The following ANKRD22 variants were observed in gnomAD, a reference collection of about 807,000 sequenced individuals.
ANKRD22 encodes ankyrin repeat domain-containing protein 22.
A neutral mutation model predicts 25.7 loss-of-function variants in ANKRD22; 24 were observed. That is an observed-to-expected ratio of 0.93 (90% CI 0.68 to 1.31). ANKRD22 has a LOEUF of 1.31. Among genes scored for constraint, ANKRD22 ranks in the 50% most tolerant of loss-of-function variants. The pLI is 0.00. For missense variants in ANKRD22, 214 were observed against 227.1 expected, an observed-to-expected ratio of 0.94 and a Z score of 0.37; for synonymous variants, 84 against 84.3, an observed-to-expected ratio of 1.00 and a Z score of 0.02.
chr10:88,834,733 G>A (rs751793436), intron 1 of ANKRD22, among the ~76,000 whole-genome samples: 2 of 152,078 alleles, frequency 1.3e-5, no homozygotes, highest in Non-Finnish European at 2.9e-5. Flanking sequence ...TCAGGAGTTC[G>A]AGATCAGCCT....
At chr10:88,839,833 T>C (rs1843988056) in intron 1 of ANKRD22, among the ~76,000 whole-genome samples, 1 of 152,188 alleles carries the variant, frequency 6.6e-6, no homozygotes, top group South Asian at 2.1e-4. Context: ...TTCTCAACCT[T>C]GGCTAAATAT....
chr10:88,836,640 C>T (rs957405096), intron 1 of ANKRD22, among the ~76,000 whole-genome samples: 5 of 152,156 alleles, frequency 3.3e-5, no homozygotes, highest in Admixed American at 2.6e-4. Flanking sequence ...TACAAGACTT[C>T]GCATTTGATA....
chr10:88,844,355 T>C (rs554954982), intron 1 of ANKRD22, among the ~76,000 whole-genome samples: 4 of 152,232 alleles, frequency 2.6e-5, no homozygotes, highest in African/African-American at 9.6e-5. Flanking sequence ...TGATGGGAAA[T>C]GTTAGCAGAG....
chr10:88,827,782 T>G (rs1174333755), intron 3 of ANKRD22, among the ~76,000 whole-genome samples: 2 of 152,210 alleles, frequency 1.3e-5, no homozygotes, highest in Non-Finnish European at 2.9e-5. Flanking sequence ...GTAACCAATA[T>G]TCACAGTTTA....
chr10:88,844,643 T>C (rs953617712), intron 1 of ANKRD22, among the ~76,000 whole-genome samples: 4 of 152,090 alleles, frequency 2.6e-5, no homozygotes, highest in African/African-American at 9.7e-5. Flanking sequence ...AAGGAATCTT[T>C]ATGGTTAAAA....
chr10:88,821,107 T>C lies in ANKRD22; in HGVS notation c.*1834A>G, dbSNP rs1190935601. Among the ~76,000 whole-genome samples, 2 of 152,262 alleles carry C rather than the reference T, an allele frequency of 1.3e-5. No individual in the cohort carries two copies. Among genetic ancestry groups the C allele is most frequent in the Non-Finnish European group, 2.9e-5 (2 of 68,056 alleles). ...TTTATGAGTTCTCCAATAAATGCATTCTGCATTACATAAAGCATGTATGTG... is the reference window on the plus strand; with the variant it reads ...TTTATGAGTTCTCCAATAAATGCATCCTGCATTACATAAAGCATGTATGTG... On this transcript the variant is annotated 3_prime_UTR_variant, in exon 6 of 6. Coordinates refer to ENST00000371930, the MANE Select transcript of ANKRD22 (RefSeq NM_144590.3).
At chr10:88,842,106 C>T (rs1308479337) in intron 1 of ANKRD22, among the ~76,000 whole-genome samples, 3 of 152,110 alleles carry the variant, frequency 2.0e-5, no homozygotes, top group Admixed American at 6.6e-5. Flanking sequence ...TGGACCTAAA[C>T]AGGTATTTTA....
At chr10:88,844,816 G>C (rs1844033490) in intron 1 of ANKRD22, among the ~76,000 whole-genome samples, 1 of 151,952 alleles carries the variant, frequency 6.6e-6, no homozygotes, top group African/African-American at 2.4e-5. Context: ...TGAAATAAAA[G>C]CTTATATTGT....
intron 1 of ANKRD22, among the ~76,000 whole-genome samples, chr10:88,839,554 T>C (rs1012732581): frequency 2.0e-5 from 3 of 152,138 alleles, no homozygotes; most frequent in African/African-American, 7.2e-5. Context: ...TCTTTCATCT[T>C]TCCTACCTGC....
At chr10:88,832,904 C>T (rs926676543) in intron 1 of ANKRD22, among the ~76,000 whole-genome samples, 1 of 152,248 alleles carries the variant, frequency 6.6e-6, no homozygotes, top group South Asian at 2.1e-4. Flanking sequence ...GGCTTCTGCC[C>T]TGAATACTCT....
chr10:88,823,924 T>G (rs1843829620), intron 4 of ANKRD22, among the ~76,000 whole-genome samples: 1 of 152,182 alleles, frequency 6.6e-6, no homozygotes, highest in Non-Finnish European at 1.5e-5. Context: ...TTCCATTTTC[T>G]GTTCTAAAGA....
chr10:88,845,271 T>A (rs1844037394), intron 1 of ANKRD22, among the ~76,000 whole-genome samples: 1 of 152,136 alleles, frequency 6.6e-6, no homozygotes, highest in South Asian at 2.1e-4. Flanking sequence ...GGTTGTCCTT[T>A]AATATTGCCT....
intron 3 of ANKRD22, among the ~76,000 whole-genome samples, chr10:88,827,010 C>G (rs1843862070): frequency 6.6e-6 from 1 of 152,164 alleles, no homozygotes; most frequent in Non-Finnish European, 1.5e-5. Context: ...TTCACTTTTC[C>G]TTCCCAGTCT....
chr10:88,834,928 C>CA (rs202025175), intron 1 of ANKRD22, among the ~76,000 whole-genome samples: 7,326 of 149,504 alleles, frequency 0.049, 403 homozygotes, highest in African/African-American at 0.14. Flanking sequence ...AACTCTGCCT[C>CA]AAAAAAAGAA....
At chr10:88,831,515 A>C (rs1255855893) in intron 2 of ANKRD22, among the ~76,000 whole-genome samples, 2 of 152,202 alleles carry the variant, frequency 1.3e-5, no homozygotes, top group Non-Finnish European at 2.9e-5. Context: ...AGTAATGAGA[A>C]AGAGGGGAGA....
rs561047914 is a variant in ANKRD22, at chr10:88,847,207, C to A, written c.21+4380G>T. ...TCAGCATAGGACTTAAACAGTTTATCCTTCTATTTCTTTGAGTCATATATG... is the reference window on the plus strand; with the variant it reads ...TCAGCATAGGACTTAAACAGTTTATACTTCTATTTCTTTGAGTCATATATG... On this transcript the variant is annotated intron_variant, in intron 1 of 5. Coordinates refer to ENST00000371930, the MANE Select transcript of ANKRD22 (RefSeq NM_144590.3). 4.0e-4 allele frequency among the ~76,000 whole-genome samples: 61 copies of A among 152,096 alleles called. No individual in the cohort carries two copies. In the South Asian group the frequency reaches 9.8e-3, roughly 24 times the overall value.
chr10:88,846,745 T>A (rs758300174), intron 1 of ANKRD22, among the ~76,000 whole-genome samples: 2 of 152,196 alleles, frequency 1.3e-5, no homozygotes, highest in Non-Finnish European at 2.9e-5. Flanking sequence ...GCAATTATCC[T>A]GTCCTTGGTA....
chr10:88,822,862 C>A lies in ANKRD22; in HGVS notation c.*79G>T. 1 of 1,337,138 alleles carries A rather than the reference C, an allele frequency of 7.5e-7. No homozygotes were observed. Among genetic ancestry groups the A allele is most frequent in the Non-Finnish European group, 1.1e-6 (1 of 943,958 alleles). 82.8% of individuals were successfully genotyped at this position (1,337,138 alleles called of 1,614,324 possible). ...AATGGTGGCATCCAGGTTAAATGGCCCACAGACCAAAAGTCTAAAATGAAG... is the reference window on the plus strand; with the variant it reads ...AATGGTGGCATCCAGGTTAAATGGCACACAGACCAAAAGTCTAAAATGAAG... On this transcript the variant is annotated 3_prime_UTR_variant, in exon 6 of 6. Transcript: ENST00000371930.
chr10:88,842,242 T>C (rs1461086123), intron 1 of ANKRD22, among the ~76,000 whole-genome samples: 1 of 152,180 alleles, frequency 6.6e-6, no homozygotes, highest in Non-Finnish European at 1.5e-5. Flanking sequence ...CTAAGCACCT[T>C]AGCAGCATCT....
Sources: allele counts gnomAD v4.1 joint callset (sites outside exome capture counted in the v4.1 genomes callset), GRCh38; gene constraint gnomAD v4.1.1; transcripts MANE v1.5; gene names NCBI Gene and HGNC (gene_info 2026-07-23, HGNC 2026-07-21).